The following TTBK2 variants were observed in gnomAD, a reference collection of about 807,000 sequenced individuals.
TTBK2 encodes the protein tau tubulin kinase 2, also known as tau-tubulin kinase 2.
TTBK2 carries 28 observed loss-of-function variants against 110.8 expected under a neutral mutation model. The ratio of observed to expected loss-of-function variants is 0.25; its 90% CI spans 0.19 to 0.35. TTBK2 has a LOEUF of 0.35. TTBK2 is among the 10% of genes least tolerant of loss of function. The pLI, the probability that TTBK2 is intolerant of heterozygous loss-of-function variation, is 1.00. For missense variants in TTBK2, 1,369 were observed against 1,500.3 expected (o/e 0.91, Z 1.45); for synonymous variants, 532 against 527.3 (o/e 1.01, Z -0.12).
At chr15:42,799,093 G>A (rs1020825396) in intron 9 of TTBK2, among the ~76,000 whole-genome samples, 1 of 152,106 alleles carries the variant, frequency 6.6e-6, no homozygotes, top group Non-Finnish European at 1.5e-5. Context: ...AAATCCACTG[G>A]GCGCGGTGGC....
intron 3 of TTBK2, among the ~76,000 whole-genome samples, chr15:42,843,499 G>A (rs1240659625): frequency 2.6e-5 from 4 of 152,092 alleles, no homozygotes; most frequent in East Asian, 1.9e-4. Flanking sequence ...AGTGGCTCAC[G>A]CCTGTAATCC....
intron 1 of TTBK2, among the ~76,000 whole-genome samples, chr15:42,914,633 G>A (rs2030978576): frequency 6.6e-6 from 1 of 152,170 alleles, no homozygotes; most frequent in South Asian, 2.1e-4. Context: ...AAGTGTTCTT[G>A]TGTTCTGAAA....
In TTBK2 at chr15:42,741,987, A is replaced by G. The variant is rs1238537927; in HGVS notation, c.*3808T>C. 1 of 152,172 alleles carries G rather than the reference A, an allele frequency of 6.6e-6. No homozygotes were observed. Among genetic ancestry groups the G allele is most frequent in the Admixed American group, 6.5e-5 (1 of 15,276 alleles). The allele number at this position is 152,172 out of a possible 1,614,324, so 9.4% of individuals were successfully genotyped here. ...GTTTATAAAACATGCACCAATGTACACTTTCTCCTTGTAGATTGAATGCAA... is the reference window on the plus strand; with the variant it reads ...GTTTATAAAACATGCACCAATGTACGCTTTCTCCTTGTAGATTGAATGCAA... On this transcript the variant is annotated 3_prime_UTR_variant, in exon 15 of 15. Coordinates refer to ENST00000267890, the MANE Select transcript of TTBK2 (RefSeq NM_173500.4).
intron 6 of TTBK2, among the ~76,000 whole-genome samples, chr15:42,819,714 G>A (rs945647493): frequency 6.6e-6 from 1 of 152,136 alleles, no homozygotes; most frequent in East Asian, 1.9e-4. Flanking sequence ...TTTGATTGAT[G>A]GAACTAAGGT....
chr15:42,823,067 G>A (rs547803936), intron 6 of TTBK2, among the ~76,000 whole-genome samples: 1 of 152,278 alleles, frequency 6.6e-6, no homozygotes, highest in Non-Finnish European at 1.5e-5. Context: ...CTCAAATTCA[G>A]CTAAATTCTG....
chr15:42,892,597 T>G (rs1895500609), intron 1 of TTBK2, among the ~76,000 whole-genome samples: 1 of 147,544 alleles, frequency 6.8e-6, no homozygotes, highest in Admixed American at 6.9e-5. Context: ...TCCCAGCTAC[T>G]CAGAAGGCTG....
At chr15:42,836,090 T>C (rs1892974418) in intron 4 of TTBK2, among the ~76,000 whole-genome samples, 1 of 152,144 alleles carries the variant, frequency 6.6e-6, no homozygotes, top group South Asian at 2.1e-4. Flanking sequence ...AAGATGCTCA[T>C]ATAAAGCTTC....
chr15:42,806,265 A>AAAAAC (rs534087643), intron 9 of TTBK2, among the ~76,000 whole-genome samples: 68 of 152,344 alleles, frequency 4.5e-4, no homozygotes, highest in Non-Finnish European at 7.2e-4. Context: ...CTATGTCTCA[A>AAAAAC]AAAACAAAAC....
intron 6 of TTBK2, among the ~76,000 whole-genome samples, chr15:42,818,013 C>A (rs1444106462): frequency 6.6e-6 from 1 of 152,182 alleles, no homozygotes; most frequent in Non-Finnish European, 1.5e-5. Flanking sequence ...TTTCTTATAA[C>A]ACCTTTACTA....
intron 13 of TTBK2, among the ~76,000 whole-genome samples, chr15:42,773,552 C>A (rs1437351184): frequency 6.6e-6 from 1 of 152,142 alleles, no homozygotes; most frequent in Non-Finnish European, 1.5e-5. Flanking sequence ...AGAGAAAACA[C>A]CGCAGTAGTG....
chr15:42,814,267 A>G (rs778641638), intron 7 of TTBK2, among the ~76,000 whole-genome samples: 13 of 152,140 alleles, frequency 8.5e-5, no homozygotes, highest in Non-Finnish European at 1.5e-4. Context: ...GTATTATTTA[A>G]GAATTATTTA....
rs1435107482 is a variant in TTBK2 at position 42,833,077 on chromosome 15, A to T, written c.292-2999T>A. On this transcript the variant is annotated intron_variant, in intron 4 of 14. Coordinates refer to ENST00000267890, the MANE Select transcript of TTBK2 (RefSeq NM_173500.4). ...GGAGGATTGAAGGAGGGAGAGGAGCAGAAAAGATAACTAGTGGGTACTGAG... is the reference window on the plus strand; with the variant it reads ...GGAGGATTGAAGGAGGGAGAGGAGCTGAAAAGATAACTAGTGGGTACTGAG... Among the ~76,000 whole-genome samples the T allele has an allele frequency of 5.9e-5, 9 of 152,210 alleles. No individual in the cohort carries two copies. The East Asian group carries it at 1.7e-3, about 29-fold the overall frequency.
chr15:42,872,784 A>G, intron 2 of TTBK2, 26 bp from the exon 3 acceptor site: 1 of 1,611,696 alleles, frequency 6.2e-7, no homozygotes, highest in Non-Finnish European at 8.5e-7. Flanking sequence ...GAACACACAC[A>G]CTCTAAATTA....
In TTBK2 at chr15:42,738,970, T is replaced by TA. The variant is rs1449029700; in HGVS notation, c.*6824dup. ...ATCCAGACCATCACACAAACAGAAC[T>TA]AGATTTTGCATGCGGAATGAATATT... is the stretch of plus-strand genomic sequence containing the variant. On this transcript the variant is annotated 3_prime_UTR_variant, in exon 15 of 15. Transcript: ENST00000267890. The TA allele has an allele frequency of 4.6e-5, 7 of 152,182 alleles. No homozygotes were observed. Among genetic ancestry groups the TA allele is most frequent in the African/African-American group, 1.7e-4 (7 of 41,450 alleles). The allele number at this position is 152,182 out of a possible 1,614,324, so 9.4% of individuals were successfully genotyped here. A position where few individuals can be genotyped will look rare whatever the true frequency, so the allele number is the denominator to read the frequency against.
In TTBK2 at chr15:42,752,029, A is replaced by G. The variant is rs1452436518; in HGVS notation, c.3217T>C (p.Phe1073Leu). The change falls in exon 14 of 15, where the codon TTC becomes CTC. Residue 1073 changes from phenylalanine to leucine, a missense_variant. Physicochemically the swap from Phe to Leu is conservative, Grantham distance 22 (BLOSUM62 0). Around this residue, in one of 4 missense-constraint regions of TTBK2, gnomAD observed 1,097 missense variants for 1,114.7 expected, o/e 0.98. Transcript: ENST00000267890. Reference protein sequence around the residue: ...DQVNSSTSSQFFPRPPPGKPP... With the variant: ...DQVNSSTSSQLFPRPPPGKPP... ...TTTCCTGGTGGTGGCCGAGGAAAGA[A>G]CTGAGACGAAGTTGAGCTATTGACC... 6.2e-7 allele frequency: 1 copy of G among 1,614,102 alleles called. No homozygotes were observed. Among genetic ancestry groups the G allele is most frequent in the Non-Finnish European group, 8.5e-7 (1 of 1,180,042 alleles).
chr15:42,767,880 C>T (rs760806494), intron 13 of TTBK2, among the ~76,000 whole-genome samples: 5 of 152,128 alleles, frequency 3.3e-5, no homozygotes, highest in African/African-American at 7.2e-5. Flanking sequence ...ACCGGCAAAC[C>T]GAATCCAGCA....
Position 42,775,100 on chromosome 15 carries a change from A to C in TTBK2, c.1998+35T>G, listed in dbSNP as rs187889964. On this transcript the variant is annotated intron_variant, in intron 13 of 14. Coordinates refer to ENST00000267890, the MANE Select transcript of TTBK2 (RefSeq NM_173500.4). Reference sequence around the variant, plus strand: ...CCTTTCTTAATAGCACCTTGAGTGGATAACAGAGAATAATAATAAAAACAA... The same window carrying C: ...CCTTTCTTAATAGCACCTTGAGTGGCTAACAGAGAATAATAATAAAAACAA... 5,613 of 1,597,746 alleles carry C rather than the reference A, an allele frequency of 3.5e-3. 12 individuals are homozygous for C. Among genetic ancestry groups the C allele is most frequent in the Non-Finnish European group, 4.3e-3 (5,058 of 1,173,198 alleles).
At chr15:42,903,658 G>A (rs893471116) in intron 1 of TTBK2, among the ~76,000 whole-genome samples, 1 of 152,156 alleles carries the variant, frequency 6.6e-6, no homozygotes, top group African/African-American at 2.4e-5. Context: ...AATTCTATAA[G>A]ACACCCAGGT....
At chr15:42,883,531 A>T (rs1895130599) in intron 1 of TTBK2, among the ~76,000 whole-genome samples, 2 of 151,984 alleles carry the variant, frequency 1.3e-5, no homozygotes, top group Non-Finnish European at 2.9e-5. Context: ...CTCTAAGTAG[A>T]TGGTAAAAAG....
Sources: allele counts gnomAD v4.1 joint callset (sites outside exome capture counted in the v4.1 genomes callset), GRCh38; gene constraint gnomAD v4.1.1; regional missense constraint gnomAD v4.1.1; transcripts MANE v1.5; gene names NCBI Gene and HGNC (gene_info 2026-07-23, HGNC 2026-07-21).